MYO15B: variants seen among roughly 807,000 people sequenced by gnomAD.
MYO15B encodes the protein myosin XVB.
In MYO15B, 207 loss-of-function variants were observed where a neutral mutation model predicts 119.3. The observed-to-expected ratio is 1.73, with a 90% confidence interval of 1.55 to 1.95. MYO15B has a LOEUF of 1.95. Among genes scored for constraint, MYO15B ranks in the 30% most tolerant of loss-of-function variants. MYO15B has a pLI of 0.00. For missense variants in MYO15B, 2,264 were observed against 1,203.1 expected, an observed-to-expected ratio of 1.88 and a Z score of -13.04; for synonymous variants, 966 against 498.9, an observed-to-expected ratio of 1.94 and a Z score of -12.48.
chr17:75,611,298 C>T (rs2058013257), intron 23 of MYO15B, among the ~76,000 whole-genome samples: 1 of 151,856 alleles, frequency 6.6e-6, no homozygotes, highest in Non-Finnish European at 1.5e-5. Flanking sequence ...CCCATCTCTA[C>T]AAAAACAATA....
intron 14 of MYO15B, among the ~76,000 whole-genome samples, chr17:75,599,693 T>G (rs1469937565): frequency 1.3e-5 from 2 of 151,400 alleles, no homozygotes; most frequent in Non-Finnish European, 2.9e-5. Flanking sequence ...GATCACGAGG[T>G]CAGGAGATCG....
At chr17:75,601,971 A>G (rs2057313665) in intron 15 of MYO15B, among the ~76,000 whole-genome samples, 1 of 152,120 alleles carries the variant, frequency 6.6e-6, no homozygotes, top group South Asian at 2.1e-4. Flanking sequence ...TGCTCACTGA[A>G]TGGACTTCCC....
At chr17:75,620,896 A>C (rs2058669545) in intron 49 of MYO15B, 135 bp from the exon 50 acceptor site, 1 of 702,024 alleles carries the variant, frequency 1.4e-6, no homozygotes, top group South Asian at 1.5e-5. Context: ...GCAGATGCTT[A>C]ATAAACAGCT....
chr17:75,610,029 G>A (rs934934840), intron 21 of MYO15B, 137 bp from the exon 22 acceptor site: 13 of 518,780 alleles, frequency 2.5e-5, no homozygotes, highest in African/African-American at 3.9e-5. Flanking sequence ...TTTTCCTGTC[G>A]TTTCTGTGAA....
intron 21 of MYO15B, chr17:75,607,187 C>G: frequency 2.6e-6 from 1 of 380,144 alleles, no homozygotes. Flanking sequence ...GTTTTCATCC[C>G]GCAAACAGAA....
At chr17:75,625,097 C>A in intron 59 of MYO15B, 26 bp from the exon 60 acceptor site, 1 of 676,652 alleles carries the variant, frequency 1.5e-6, no homozygotes, top group Non-Finnish European at 2.7e-6. Context: ...ACCACCGCTG[C>A]CCTCCTCACC....
intron 19 of MYO15B, 81 bp from the exon 20 acceptor site, chr17:75,605,423 C>T (rs1448861579): frequency 3.9e-5 from 25 of 635,128 alleles, no homozygotes; most frequent in Admixed American, 3.1e-4. Flanking sequence ...GGCAAAAGAG[C>T]GAGACTCCGT....
At position 75,602,469 on chromosome 17, in the gene MYO15B, TCTC is replaced by T. The variant is rs148601498; in HGVS notation, c.3652-43_3652-41del. ...CCAGCCTCCCCTCCTTGGTTCCTGT[TCTC>T]CTCCCTTTCTCCACTTCCCTCCCCA... On this transcript the variant is annotated intron_variant, in intron 15 of 63. Coordinates refer to ENST00000645453, the Ensembl canonical transcript of MYO15B. The T allele has an allele frequency of 2.0e-3, 1,429 of 702,978 alleles. 15 individuals are homozygous for T. In the African/African-American group the frequency reaches 0.022, roughly 11 times the overall value. The allele number at this position is 702,978 out of a possible 1,614,324, so 43.5% of individuals were successfully genotyped here. A position where few individuals can be genotyped will look rare whatever the true frequency, so the allele number is the denominator to read the frequency against.
At chr17:75,615,099 A>G in intron 33 of MYO15B, 57 bp downstream of exon 33, 1 of 691,696 alleles carries the variant, frequency 1.4e-6, no homozygotes, top group Non-Finnish European at 2.6e-6. Flanking sequence ...CATGGCAGGC[A>G]TGGCCTGGGA....
At chr17:75,613,318 G>C in exon 28 of MYO15B, 1 of 673,652 alleles carries the variant, frequency 1.5e-6, no homozygotes, top group South Asian at 1.5e-5. Context: ...GGCCCCCAGG[G>C]GCATGGCAGC....
chr17:75,605,352 G>T (rs2057566746), intron 19 of MYO15B, among the ~76,000 whole-genome samples, 152 bp from the exon 20 acceptor site: 1 of 151,784 alleles, frequency 6.6e-6, no homozygotes, highest in Non-Finnish European at 1.5e-5. Flanking sequence ...CAGGGGAATG[G>T]CCTGAACCCG....
At chr17:75,598,133 G>T (rs1247093053) in intron 14 of MYO15B, among the ~76,000 whole-genome samples, 1 of 151,514 alleles carries the variant, frequency 6.6e-6, no homozygotes, top group Admixed American at 6.6e-5. Flanking sequence ...CCCAATTAGT[G>T]GTTGAGAATG....
intron 21 of MYO15B, chr17:75,606,884 A>C (rs761384592): frequency 4.3e-5 from 17 of 397,984 alleles, no homozygotes; most frequent in South Asian, 1.3e-4. Flanking sequence ...CTTTCCTATA[A>C]CACCACCCTC....
At chr17:75,592,040 G>A (rs540576638) in exon 6 of MYO15B, 2 of 702,844 alleles carry the variant, frequency 2.8e-6, no homozygotes, top group South Asian at 1.5e-5. Context: ...CAATGCCAAT[G>A]CCAGCCGCTT....
exon 12 of MYO15B, chr17:75,594,864 T>C (rs2056750164): frequency 1.4e-6 from 1 of 703,026 alleles, no homozygotes; most frequent in Non-Finnish European, 2.6e-6. Context: ...AGGCACTGTA[T>C]TCCCGCCTCT....
exon 28 of MYO15B, chr17:75,613,391 G>A (rs951189922): frequency 3.7e-5 from 25 of 671,946 alleles, no homozygotes; most frequent in Non-Finnish European, 5.9e-5. Context: ...GGGGCCACTC[G>A]GGCCCACCCC....
exon 49 of MYO15B, chr17:75,620,627 G>A: frequency 1.4e-6 from 1 of 699,858 alleles, no homozygotes; most frequent in Non-Finnish European, 2.6e-6. Flanking sequence ...GGTGGGACAG[G>A]GCCTCAGAGG....
rs1033519821 is a variant in MYO15B, at chr17:75,626,077, G to A, written c.9073-11G>A. 6 of 702,012 alleles carry A rather than the reference G, an allele frequency of 8.5e-6. No homozygotes were observed. The African/African-American group carries it at 1.0e-4, about 12-fold the overall frequency. The allele number at this position is 702,012 out of a possible 1,614,324, so 43.5% of individuals were successfully genotyped here. ...GGAGAGGAGACCAGCCCTGCTCTCT[G>A]CTGCCCCCAGAGCCTGTACTGCCGC... On this transcript the variant is annotated splice_polypyrimidine_tract_variant and intron_variant, in intron 62 of 63. Coordinates refer to ENST00000645453, the Ensembl canonical transcript of MYO15B.
In MYO15B at chr17:75,592,676, C is replaced by A; in HGVS notation, c.2830-3C>A. ...GCTCCCTCACCCCTGCTGTGCTCTG[C>A]AGGGCCAGGCCTGCAGGCTGCAAGG... On this transcript the variant is annotated splice_region_variant and splice_polypyrimidine_tract_variant and intron_variant, in intron 8 of 63. Coordinates refer to ENST00000645453, the Ensembl canonical transcript of MYO15B. 1 of 699,746 alleles carries A rather than the reference C, an allele frequency of 1.4e-6. No homozygotes were observed. The highest frequency in any genetic ancestry group is 2.6e-6 in the Non-Finnish European group (1 of 384,174). 43.3% of individuals were successfully genotyped at this position (699,746 alleles called of 1,614,324 possible).
Sources: allele counts gnomAD v4.1 joint callset (sites outside exome capture counted in the v4.1 genomes callset), GRCh38; gene constraint gnomAD v4.1.1; transcripts MANE v1.5; gene names NCBI Gene and HGNC (gene_info 2026-07-23, HGNC 2026-07-21).